Variants in ELF2 observed in about 807,000 individuals in gnomAD.
The protein encoded by ELF2 is E74 like ETS transcription factor 2.
In ELF2, 11 loss-of-function variants were observed where a neutral mutation model predicts 54.8. The observed-to-expected ratio is 0.20, with a 90% CI of 0.13 to 0.33. The LOEUF (loss-of-function observed/expected upper bound fraction) is 0.33, where lower values mean the gene tolerates loss of function less well. Among genes scored for constraint, ELF2 ranks in the 10% least tolerant of loss-of-function variants. The pLI is 1.00. For missense variants in ELF2, 513 were observed against 703.0 expected (o/e 0.73, Z 3.06); for synonymous variants, 203 against 245.1 (o/e 0.83, Z 1.61).
chr4:139,092,795 T>A (rs925591670), intron 4 of ELF2, among the ~76,000 whole-genome samples: 1 of 151,490 alleles, frequency 6.6e-6, no homozygotes, highest in Non-Finnish European at 1.5e-5. Context: ...AGAGACTCCG[T>A]CTCAAAAATA....
intron 4 of ELF2, among the ~76,000 whole-genome samples, chr4:139,092,446 CAT>C (rs1356672476): frequency 6.7e-6 from 1 of 150,312 alleles, no homozygotes; most frequent in African/African-American, 2.5e-5. Context: ...CATAACATAA[CAT>C]AACATAACAT....
rs577987299 is a variant in ELF2 at position 139,078,781 on chromosome 4, A to C, written c.239-5214T>G. On this transcript the variant is annotated intron_variant, in intron 4 of 9. Transcript: ENST00000686138. Reference sequence around the variant, plus strand: ...ATTCAGCTATCCTCCGACCTTTTTTATCTGAGGACACTTTTACACTCAAAA... The same window carrying C: ...ATTCAGCTATCCTCCGACCTTTTTTCTCTGAGGACACTTTTACACTCAAAA... Among the ~76,000 whole-genome samples, 11 of 152,058 alleles carry C rather than the reference A, an allele frequency of 7.2e-5. No homozygotes were observed. The South Asian group carries it at 2.3e-3, about 32-fold the overall frequency.
At chr4:139,062,774 C>T (rs536664426) in intron 7 of ELF2, among the ~76,000 whole-genome samples, 6 of 152,094 alleles carry the variant, frequency 3.9e-5, no homozygotes, top group Admixed American at 2.6e-4. Context: ...CAAAATACAA[C>T]GAAATGTGTA....
chr4:139,153,447 T>A (rs1740220664), intron 1 of ELF2, among the ~76,000 whole-genome samples: 1 of 149,838 alleles, frequency 6.7e-6, no homozygotes, highest in African/African-American at 2.5e-5. Flanking sequence ...AAAATAAAAA[T>A]AAATAAATAA....
chr4:139,079,084 C>T (rs772723172), intron 4 of ELF2, among the ~76,000 whole-genome samples: 1 of 151,856 alleles, frequency 6.6e-6, no homozygotes, highest in South Asian at 2.1e-4. Context: ...CATCAGCACA[C>T]CCAGCTAATT....
intron 5 of ELF2, 132 bp downstream of exon 5, chr4:139,073,322 T>A (rs183887785): frequency 4.3e-6 from 2 of 468,730 alleles, no homozygotes; most frequent in African/African-American, 4.0e-5. Context: ...CAATTACTGC[T>A]GTCATGTATT....
At chr4:139,105,347 C>G (rs536055511) in intron 4 of ELF2, among the ~76,000 whole-genome samples, 1 of 152,016 alleles carries the variant, frequency 6.6e-6, no homozygotes, top group Non-Finnish European at 1.5e-5. Flanking sequence ...ACATTGTAGC[C>G]CCGTGCCTTA....
intron 4 of ELF2, among the ~76,000 whole-genome samples, chr4:139,092,995 T>A (rs1289358396): frequency 6.7e-6 from 1 of 148,976 alleles, no homozygotes; most frequent in African/African-American, 2.5e-5. Flanking sequence ...AGAAAGAGTC[T>A]CGCTCTGTCG....
At chr4:139,173,369 T>C (rs941449648) in intron 1 of ELF2, among the ~76,000 whole-genome samples, 1 of 151,880 alleles carries the variant, frequency 6.6e-6, no homozygotes, top group African/African-American at 2.4e-5. Flanking sequence ...AGCAGCATAA[T>C]AGCCCAAAAA....
Position 139,137,820 on chromosome 4 carries a change from A to G in ELF2, c.-119T>C. The G allele has an allele frequency of 7.0e-7, 1 of 1,424,654 alleles. No homozygotes were observed. Among genetic ancestry groups the G allele is most frequent in the Non-Finnish European group, 9.2e-7 (1 of 1,088,286 alleles). The allele number at this position is 1,424,654 out of a possible 1,614,324, so 88.3% of individuals were successfully genotyped here. On this transcript the variant is annotated 5_prime_UTR_variant, in exon 3 of 10. Transcript: ENST00000686138. ...TTAAAAGTCAATAGAGATGGAGTGG[A>G]GTAGATATCCAGAAATCCAGTCTTC...
intron 6 of ELF2, among the ~76,000 whole-genome samples, chr4:139,068,330 T>C (rs1267871387): frequency 1.3e-5 from 2 of 152,218 alleles, no homozygotes; most frequent in African/African-American, 4.8e-5. Flanking sequence ...TGCCAATCTT[T>C]TATATTAGTG....
intron 4 of ELF2, among the ~76,000 whole-genome samples, chr4:139,121,285 T>C (rs1344764041): frequency 6.6e-6 from 1 of 150,900 alleles, no homozygotes; most frequent in Non-Finnish European, 1.5e-5. Context: ...ATTTTTTGTA[T>C]TTTTAGTAGA....
At chr4:139,100,141 C>T (rs996717340) in intron 4 of ELF2, among the ~76,000 whole-genome samples, 1 of 152,188 alleles carries the variant, frequency 6.6e-6, no homozygotes, top group African/African-American at 2.4e-5. Flanking sequence ...GCTTCCACCA[C>T]TTAAATAGCT....
At chr4:139,139,931 GA>G (rs571778334) in intron 1 of ELF2, among the ~76,000 whole-genome samples, 3 of 151,914 alleles carry the variant, frequency 2.0e-5, no homozygotes, top group South Asian at 4.2e-4. Context: ...AATGTTTAAG[GA>G]AAAAAAATTT....
At chr4:139,084,040 C>T in intron 4 of ELF2, 1 of 1,597,288 alleles carries the variant, frequency 6.3e-7, no homozygotes, top group Non-Finnish European at 8.5e-7. Flanking sequence ...ACTGTACCCC[C>T]AGCACAGACT....
intron 1 of ELF2, among the ~76,000 whole-genome samples, chr4:139,173,586 A>G (rs1456589679): frequency 1.3e-5 from 2 of 151,140 alleles, no homozygotes; most frequent in African/African-American, 4.9e-5. Context: ...GTGAAATCCC[A>G]TCTCTACTAA....
chr4:139,127,048 C>G (rs956393301), intron 3 of ELF2, among the ~76,000 whole-genome samples: 1 of 152,118 alleles, frequency 6.6e-6, no homozygotes, highest in African/African-American at 2.4e-5. Context: ...TAACCATTGA[C>G]CTTGTTCCTA....
chr4:139,083,988 T>C, intron 4 of ELF2: 1 of 1,349,550 alleles, frequency 7.4e-7, no homozygotes, highest in Middle Eastern at 1.9e-4. Context: ...CTTCATTCAC[T>C]CCCCCCTTTC....
Position 139,115,202 on chromosome 4 carries a change from C to T in ELF2, c.238+9962G>A, listed in dbSNP as rs938498347. ...CGTAGCTCCTTGCGGTCATACTTGA[C>T]GGTGACCTTCCCTTGGCGCCTCACT... On this transcript the variant is annotated intron_variant, in intron 4 of 9. Transcript: ENST00000686138. 102 of 1,611,504 alleles carry T rather than the reference C, an allele frequency of 6.3e-5. No individual in the cohort carries two copies. The South Asian group carries it at 1.0e-3, about 16-fold the overall frequency.
Sources: gnomAD v4.1 joint callset for allele counts (sites outside exome capture counted in the v4.1 genomes callset) on GRCh38, gnomAD v4.1.1 for gene constraint, MANE v1.5 for transcripts, NCBI Gene and HGNC (gene_info 2026-07-23, HGNC 2026-07-21) for gene names.